UGT1A7: variants seen among roughly 807,000 people sequenced by gnomAD.
UGT1A7 encodes UDP glucuronosyltransferase family 1 member A7.
UGT1A7 carries 33 observed loss-of-function variants against 45.6 expected under a neutral mutation model. That is an observed-to-expected ratio of 0.72 (90% CI 0.55 to 0.97). The LOEUF (loss-of-function observed/expected upper bound fraction) is 0.97. UGT1A7 is among the 50% of genes least tolerant of loss of function. The probability of loss-of-function intolerance (pLI) is 0.00; values close to 1 mark genes in which losing one functional copy is unlikely to be tolerated. For missense variants in UGT1A7, 684 were observed against 666.2 expected (o/e 1.03, Z -0.29); for synonymous variants, 274 against 250.6 (o/e 1.09, Z -0.88).
chr2:233,724,372 T>A (rs2077243468), intron 1 of UGT1A7, among the ~76,000 whole-genome samples: 1 of 143,294 alleles, frequency 7.0e-6, no homozygotes, highest in Admixed American at 6.9e-5. Context: ...ACGGGGTGGC[T>A]GCCGGGCGGA....
chr2:233,755,178 T>A, intron 1 of UGT1A7: 1 of 1,236,812 alleles, frequency 8.1e-7, no homozygotes, highest in Non-Finnish European at 1.1e-6. Flanking sequence ...TTTGTCGGGG[T>A]GCCACTTGAG....
chr2:233,751,084 C>T (rs1694636853), intron 1 of UGT1A7, among the ~76,000 whole-genome samples: 1 of 151,906 alleles, frequency 6.6e-6, no homozygotes, highest in Non-Finnish European at 1.5e-5. Flanking sequence ...CTGAAGGCAG[C>T]CAGGAGGAGG....
intron 1 of UGT1A7, among the ~76,000 whole-genome samples, chr2:233,754,013 A>G (rs1002247904): frequency 2.0e-5 from 3 of 152,240 alleles, no homozygotes; most frequent in African/African-American, 7.2e-5. Flanking sequence ...TGTTACAGCC[A>G]TGATAGGAAA....
intron 1 of UGT1A7, among the ~76,000 whole-genome samples, chr2:233,757,560 A>ATATATATATATACATATATATATG (rs904896556): frequency 8.1e-6 from 1 of 123,146 alleles, no homozygotes; most frequent in African/African-American, 3.4e-5. Flanking sequence ...ATATATATAT[A>ATATATATATATACATATATATATG]TGTATATATG....
chr2:233,710,884 G>A (rs539845882), intron 1 of UGT1A7, among the ~76,000 whole-genome samples: 10 of 152,338 alleles, frequency 6.6e-5, no homozygotes, highest in African/African-American at 1.9e-4. Flanking sequence ...AACAGTTTAA[G>A]TTTGTAGGTT....
chr2:233,729,858 A>G (rs1450945508), intron 1 of UGT1A7: 1 of 1,613,820 alleles, frequency 6.2e-7, no homozygotes. Context: ...GAGAGGTGTC[A>G]GTGGTGGATA....
At chr2:233,746,789 T>C (rs1693473913) in intron 1 of UGT1A7, among the ~76,000 whole-genome samples, 1 of 151,828 alleles carries the variant, frequency 6.6e-6, no homozygotes, top group South Asian at 2.1e-4. Context: ...TCTGTTGTAA[T>C]TCATGAGCGT....
chr2:233,691,717 G>A, intron 1 of UGT1A7: 1 of 899,256 alleles, frequency 1.1e-6, no homozygotes. Flanking sequence ...CCTGGCAGAT[G>A]GGTGGCTGGG....
chr2:233,759,712 G>A (rs2125976216), intron 1 of UGT1A7, among the ~76,000 whole-genome samples: 1 of 151,632 alleles, frequency 6.6e-6, no homozygotes, highest in African/African-American at 2.4e-5. Flanking sequence ...GCGTGCTCGT[G>A]TGGTGGGCTC....
At chr2:233,755,243 T>G (rs1026667908) in intron 1 of UGT1A7, 19 of 851,916 alleles carry the variant, frequency 2.2e-5, no homozygotes, top group African/African-American at 5.1e-5. Flanking sequence ...ACCGGGGTAC[T>G]CCCAGCACCT....
At chr2:233,696,327 T>A (rs1423813795) in intron 1 of UGT1A7, among the ~76,000 whole-genome samples, 1 of 152,236 alleles carries the variant, frequency 6.6e-6, no homozygotes, top group Non-Finnish European at 1.5e-5. Context: ...CATCCTCATT[T>A]CCTTATACAG....
At chr2:233,684,516 TTA>T (rs1263141696) in intron 1 of UGT1A7, among the ~76,000 whole-genome samples, 1 of 152,180 alleles carries the variant, frequency 6.6e-6, no homozygotes, top group Non-Finnish European at 1.5e-5. Context: ...GATGTAGAAA[TTA>T]TATATGATTC....
At chr2:233,686,864 T>A (rs997443373) in intron 1 of UGT1A7, among the ~76,000 whole-genome samples, 2 of 152,226 alleles carry the variant, frequency 1.3e-5, no homozygotes, top group Admixed American at 6.5e-5. Flanking sequence ...GTCTTTCCTT[T>A]CTGTCACTTT....
chr2:233,768,423 G>A lies in UGT1A7; in HGVS notation c.1279G>A (p.Val427Ile). The A allele has an allele frequency of 6.2e-7, 1 of 1,614,098 alleles. No homozygotes were observed. The highest frequency in any genetic ancestry group is 8.5e-7 in the Non-Finnish European group (1 of 1,180,004). The change falls in exon 4 of 5, where the codon GTC (valine) becomes ATC (isoleucine). Residue 427 changes from valine to isoleucine, a missense_variant. Coordinates refer to ENST00000373426, the MANE Select transcript of UGT1A7 (RefSeq NM_019077.3). ...AGATTTAGAAAATGCTCTAAAAGCA[G>A]TCATCAATGACAAAAGGTAAGAAAG... ...SEDLENALKAVINDKSYKENI... is the reference protein window; with the variant it reads ...SEDLENALKAIINDKSYKENI...
chr2:233,700,047 C>T (rs1486704694), intron 1 of UGT1A7, among the ~76,000 whole-genome samples: 1 of 152,140 alleles, frequency 6.6e-6, no homozygotes, highest in East Asian at 1.9e-4. Flanking sequence ...AAATCAATTC[C>T]AAGTGAATCC....
chr2:233,730,100 C>A, intron 1 of UGT1A7: 1 of 1,582,980 alleles, frequency 6.3e-7, no homozygotes, highest in Non-Finnish European at 8.6e-7. Flanking sequence ...CCAAATATTT[C>A]ATTTCTGCTT....
At chr2:233,689,099 C>A (rs2125541393) in intron 1 of UGT1A7, among the ~76,000 whole-genome samples, 1 of 152,330 alleles carries the variant, frequency 6.6e-6, no homozygotes, top group Non-Finnish European at 1.5e-5. Context: ...TGCCCCTCCC[C>A]ACTGCTCCTG....
chr2:233,729,112 G>T, intron 1 of UGT1A7: 1 of 1,612,932 alleles, frequency 6.2e-7, no homozygotes, highest in South Asian at 1.1e-5. Context: ...TCAGCTGTCC[G>T]TGTCTTCTGC....
chr2:233,690,565 A>G, intron 1 of UGT1A7: 1 of 1,289,360 alleles, frequency 7.8e-7, no homozygotes, highest in Non-Finnish European at 1.0e-6. Context: ...AGCCTGAGTC[A>G]TTCAGCCTGC....
Sources: allele counts gnomAD v4.1 joint callset (sites outside exome capture counted in the v4.1 genomes callset), GRCh38; gene constraint gnomAD v4.1.1; transcripts MANE v1.5; gene names NCBI Gene and HGNC (gene_info 2026-07-23, HGNC 2026-07-21).